The following ADA2 variants were observed in gnomAD, a reference collection of about 807,000 sequenced individuals.
The protein encoded by ADA2 is adenosine deaminase 2.
Under a neutral mutation model 44.2 loss-of-function variants are expected in ADA2, and 29 were observed. That is an observed-to-expected ratio of 0.66 (90% CI 0.49 to 0.89). ADA2 has a LOEUF of 0.89. Among genes scored for constraint, ADA2 ranks in the 40% least tolerant of loss-of-function variants. The pLI is 0.00. For missense variants in ADA2, 637 were observed against 644.8 expected (o/e 0.99, Z 0.13); for synonymous variants, 215 against 234.9 (o/e 0.92, Z 0.77).
intron 1 of ADA2, among the ~76,000 whole-genome samples, chr22:17,212,751 AT>A (rs1167671841): frequency 6.6e-6 from 1 of 150,854 alleles, no homozygotes; most frequent in African/African-American, 2.4e-5. Context: ...AAATGCCCAA[AT>A]TTTTTTCTTT....
At chr22:17,184,983 A>ATATATATATATATATATATATATAT (rs559045610) in intron 7 of ADA2, among the ~76,000 whole-genome samples, 1 of 78,718 alleles carries the variant, frequency 1.3e-5, no homozygotes, top group African/African-American at 5.6e-5. Context: ...CCCATGTCAA[A>ATATATATATATATATATATATATAT]ATATATATAT....
intron 1 of ADA2, among the ~76,000 whole-genome samples, chr22:17,211,000 C>T (rs1367137631): frequency 6.6e-6 from 1 of 152,178 alleles, no homozygotes; most frequent in Non-Finnish European, 1.5e-5. Flanking sequence ...GCTTTGACCT[C>T]ACCACTGCAC....
At chr22:17,187,166 C>CA (rs34453748) in intron 7 of ADA2, among the ~76,000 whole-genome samples, 91,133 of 127,364 alleles carry the variant, frequency 0.72, 32,037 homozygotes, top group East Asian at 0.84. Flanking sequence ...GACTCCATCT[C>CA]AAAAAAAAAA....
At position 17,204,794 on chromosome 22, in the gene ADA2, C is replaced by CTTT. The variant is rs535426763; in HGVS notation, c.543-1024_543-1022dup. On this transcript the variant is annotated intron_variant, in intron 3 of 9. Transcript: ENST00000399837. The stretch of plus-strand genomic sequence containing the variant: ...AGAACCATGAGAAAATCAATTCCTT[C>CTTT]TTTTTTTTTTTTTTTTTTGAAACAG... Among the ~76,000 whole-genome samples, 38 of 132,910 alleles carry CTTT rather than the reference C, an allele frequency of 2.9e-4. 1 individual carries two copies. The East Asian group carries it at 3.7e-3, about 13-fold the overall frequency. 87.2% of individuals were successfully genotyped at this position (132,910 alleles called of 152,430 possible).
chr22:17,208,854 G>A (rs879496570), intron 2 of ADA2, among the ~76,000 whole-genome samples: 4,490 of 142,538 alleles, frequency 0.032, 184 homozygotes, highest in East Asian at 0.078. Flanking sequence ...TGGGGAACAG[G>A]GTCTTGCTCT....
intron 2 of ADA2, among the ~76,000 whole-genome samples, chr22:17,207,740 A>G (rs1000045253): frequency 6.6e-6 from 1 of 152,078 alleles, no homozygotes; most frequent in African/African-American, 2.4e-5. Context: ...CCTTTCAATG[A>G]GGCCACCCAA....
intron 4 of ADA2, chr22:17,192,993 A>G: frequency 1.6e-6 from 1 of 635,594 alleles, no homozygotes; most frequent in African/African-American, 1.8e-5. Context: ...ATACGTCAAA[A>G]TTAACCGTAA....
intron 1 of ADA2, among the ~76,000 whole-genome samples, chr22:17,216,073 A>G (rs533975814): frequency 6.6e-5 from 10 of 150,914 alleles, no homozygotes; most frequent in Non-Finnish European, 1.2e-4. Context: ...TGTAATCCCA[A>G]CTACACAGGA....
chr22:17,199,832 A>C, intron 4 of ADA2: 1 of 1,225,774 alleles, frequency 8.2e-7, no homozygotes, highest in South Asian at 1.6e-5. Context: ...TAATCCTAGT[A>C]CTTTGGGAGG....
chr22:17,213,688 C>T (rs765219226), intron 1 of ADA2: 2 of 246,966 alleles, frequency 8.1e-6, no homozygotes, highest in Non-Finnish European at 8.4e-6. Flanking sequence ...AAGTGGACCC[C>T]GGCCCGCGCA....
rs1187146961 is a variant in ADA2 at position 17,209,207 on chromosome 22, A to C, written c.322+149T>G. 7.3e-6 allele frequency: 5 copies of C among 684,314 alleles called. No homozygotes were observed. In the Admixed American group the frequency reaches 1.1e-4, roughly 16 times the overall value. 42.4% of individuals were successfully genotyped at this position (684,314 alleles called of 1,614,324 possible). A position where few individuals can be genotyped will look rare whatever the true frequency, so the allele number is the denominator to read the frequency against. ...TTTTGGTTTTCAACACCCTTTTCCTAGTCTACCCATAAGGACAGAGGAGCA... is the reference window on the plus strand; with the variant it reads ...TTTTGGTTTTCAACACCCTTTTCCTCGTCTACCCATAAGGACAGAGGAGCA... On this transcript the variant is annotated intron_variant, in intron 2 of 9. Coordinates refer to ENST00000399837, the MANE Select transcript of ADA2 (RefSeq NM_001282225.2).
chr22:17,202,777 T>C (rs5994197), intron 4 of ADA2, among the ~76,000 whole-genome samples: 21 of 54,226 alleles, frequency 3.9e-4, no homozygotes, highest in African/African-American at 5.1e-4. Context: ...TTCTTTCTTT[T>C]TTTTTTTGTG....
At chr22:17,204,943 A>G (rs780243033) in intron 3 of ADA2, among the ~76,000 whole-genome samples, 10 of 151,614 alleles carry the variant, frequency 6.6e-5, no homozygotes, top group Non-Finnish European at 1.2e-4. Flanking sequence ...CTATAGGTGT[A>G]CACCACCACA....
At chr22:17,218,771 A>G (rs2062496902) in intron 1 of ADA2, among the ~76,000 whole-genome samples, 5 of 152,240 alleles carry the variant, frequency 3.3e-5, no homozygotes, top group Admixed American at 2.6e-4. Flanking sequence ...ATTTATTGCT[A>G]TATCTACTTC....
chr22:17,193,917 G>A (rs1482410093), intron 4 of ADA2, among the ~76,000 whole-genome samples: 1 of 150,332 alleles, frequency 6.7e-6, no homozygotes, highest in Non-Finnish European at 1.5e-5. Flanking sequence ...GCTCACGCCT[G>A]TAATCCCAGC....
At chr22:17,182,950 GTATGA>G (rs1252939278) in intron 7 of ADA2, among the ~76,000 whole-genome samples, 189 bp from the exon 8 acceptor site, 1 of 151,882 alleles carries the variant, frequency 6.6e-6, no homozygotes, top group East Asian at 1.9e-4. Context: ...CTAAAGAGAG[GTATGA>G]TATGGCTTTA....
chr22:17,201,602 C>T (rs568500832), intron 4 of ADA2, among the ~76,000 whole-genome samples: 3 of 152,280 alleles, frequency 2.0e-5, no homozygotes, highest in East Asian at 1.9e-4. Context: ...AGCTCAAACC[C>T]GTCTGAGCTC....
At chr22:17,193,045 G>A in intron 4 of ADA2, 1 of 737,690 alleles carries the variant, frequency 1.4e-6, no homozygotes, top group Non-Finnish European at 2.3e-6. Context: ...GTTCATAGAA[G>A]GTTCAAGGGC....
chr22:17,193,228 G>A (rs919079546), intron 4 of ADA2: 5 of 1,072,130 alleles, frequency 4.7e-6, no homozygotes, highest in South Asian at 2.5e-5. Flanking sequence ...TAAGAACCAC[G>A]AAGCCATCGT....
Sources: gnomAD v4.1 joint callset for allele counts (sites outside exome capture counted in the v4.1 genomes callset) on GRCh38, gnomAD v4.1.1 for gene constraint, MANE v1.5 for transcripts, NCBI Gene and HGNC (gene_info 2026-07-23, HGNC 2026-07-21) for gene names.